ERCC8: variants seen among roughly 807,000 people sequenced by gnomAD.
ERCC8 encodes DNA excision repair protein ERCC-8.
Under a neutral mutation model 54.9 loss-of-function variants are expected in ERCC8, and 52 were observed. That is an observed-to-expected ratio of 0.95 (90% CI 0.76 to 1.19). The LOEUF (loss-of-function observed/expected upper bound fraction) is 1.19. Ranked by LOEUF, ERCC8 falls within the 50% of genes most tolerant of loss-of-function variation. The pLI is 0.00. For missense variants in ERCC8, 514 were observed against 466.1 expected, an observed-to-expected ratio of 1.10 and a Z score of -0.95; for synonymous variants, 146 against 157.2, an observed-to-expected ratio of 0.93 and a Z score of 0.53.
chr5:60,884,583 T>C (rs1382936142), intron 11 of ERCC8, among the ~76,000 whole-genome samples: 1 of 147,140 alleles, frequency 6.8e-6, no homozygotes, highest in Non-Finnish European at 1.5e-5. Context: ...AAATATCAAA[T>C]AAATATACTT....
At chr5:60,906,794 A>T (rs1213930134) in intron 4 of ERCC8, among the ~76,000 whole-genome samples, 1 of 152,202 alleles carries the variant, frequency 6.6e-6, no homozygotes, top group Non-Finnish European at 1.5e-5. Context: ...AAAATAGAGT[A>T]TTAACTAAAT....
chr5:60,884,818 T>C (rs1579989875), intron 11 of ERCC8, among the ~76,000 whole-genome samples: 1 of 152,188 alleles, frequency 6.6e-6, no homozygotes, highest in East Asian at 1.9e-4. Context: ...TTAAAATATA[T>C]GAACATGACA....
chr5:60,939,522 G>A (rs562486714), intron 1 of ERCC8, among the ~76,000 whole-genome samples: 1 of 152,150 alleles, frequency 6.6e-6, no homozygotes, highest in South Asian at 2.1e-4. Flanking sequence ...TTTTGAGACA[G>A]AGTCTCGCTC....
intron 9 of ERCC8, among the ~76,000 whole-genome samples, chr5:60,897,799 G>A (rs920314914): frequency 6.6e-6 from 1 of 152,096 alleles, no homozygotes; most frequent in African/African-American, 2.4e-5. Flanking sequence ...TAGAATATTT[G>A]CTTTACTGCC....
intron 5 of ERCC8, among the ~76,000 whole-genome samples, chr5:60,904,276 A>G (rs995480107): frequency 1.3e-5 from 2 of 152,108 alleles, no homozygotes; most frequent in Non-Finnish European, 2.9e-5. Flanking sequence ...GTAGAGACTC[A>G]CATGGTGCCA....
chr5:60,945,041 G>A lies in ERCC8; in HGVS notation c.-33C>T, dbSNP rs769026318. 6.3e-6 allele frequency: 10 copies of A among 1,586,154 alleles called. No individual in the cohort carries two copies. The highest frequency in any genetic ancestry group is 1.1e-5 in the South Asian group (1 of 90,520). On this transcript the variant is annotated 5_prime_UTR_variant, in exon 1 of 12. The change creates a new upstream start codon in the 5' untranslated region. Transcript: ENST00000676185. ...CCTCACACCGGCTGGAGCACTGGAC[G>A]TCGCCATGACAGAGCTCAGGGGCGG...
chr5:60,919,353 GTA>G (rs576744333), intron 3 of ERCC8: 9 of 152,060 alleles, frequency 5.9e-5, no homozygotes, highest in African/African-American at 2.2e-4. Context: ...CTCCAATCTT[GTA>G]TATGTTTGAA....
chr5:60,941,325 G>A lies in ERCC8; in HGVS notation c.77+3607C>T, dbSNP rs537225316. Among the ~76,000 whole-genome samples the A allele has an allele frequency of 1.6e-4, 24 of 152,082 alleles. No homozygotes were observed. The East Asian group carries it at 4.4e-3, about 28-fold the overall frequency. On this transcript the variant is annotated intron_variant, in intron 1 of 11. Coordinates refer to ENST00000676185, the MANE Select transcript of ERCC8 (RefSeq NM_000082.4). ...TCACTAACAGATTGGAGATGGCAGA[G>A]GAAAAAATCTGTGAACTTGAAGATA...
chr5:60,944,526 C>T (rs1192082478), intron 1 of ERCC8, among the ~76,000 whole-genome samples: 5 of 152,312 alleles, frequency 3.3e-5, no homozygotes, highest in South Asian at 2.1e-4. Flanking sequence ...TGGCCTGTGT[C>T]CTCTGCCTTT....
intron 2 of ERCC8, among the ~76,000 whole-genome samples, chr5:60,923,923 T>C (rs1749673103): frequency 6.6e-6 from 1 of 152,164 alleles, no homozygotes; most frequent in Non-Finnish European, 1.5e-5. Flanking sequence ...ATTTTTATCG[T>C]AGTCACTGTC....
rs1294244265 is a variant in ERCC8 at position 60,873,254 on chromosome 5, G to T, written c.*1361C>A. 6.6e-6 allele frequency among the ~76,000 whole-genome samples: 1 copy of T among 152,096 alleles called. No homozygotes were observed. The highest frequency in any genetic ancestry group is 1.5e-5 in the Non-Finnish European group (1 of 68,046). On this transcript the variant is annotated 3_prime_UTR_variant, in exon 12 of 12. Transcript: ENST00000676185. ...ATGTATATATGCTTCAAAACAGTAT[G>T]TTGTACATGGTAAATACATACAATT...
intron 10 of ERCC8, among the ~76,000 whole-genome samples, chr5:60,888,974 T>C (rs1428264647): frequency 6.6e-6 from 1 of 152,224 alleles, no homozygotes; most frequent in Non-Finnish European, 1.5e-5. Context: ...TCAAGTCTCT[T>C]TAGTTTTCAA....
intron 7 of ERCC8, among the ~76,000 whole-genome samples, chr5:60,901,004 A>T (rs1748890392): frequency 6.6e-6 from 1 of 152,010 alleles, no homozygotes; most frequent in Non-Finnish European, 1.5e-5. Flanking sequence ...TCTGCCAGTT[A>T]TTAACAGAAG....
chr5:60,892,044 G>A (rs1468038376), intron 9 of ERCC8: 1 of 529,884 alleles, frequency 1.9e-6, no homozygotes, highest in Non-Finnish European at 3.8e-6. Flanking sequence ...TACTCTTCAG[G>A]GAGGATGCTA....
intron 1 of ERCC8, among the ~76,000 whole-genome samples, chr5:60,938,627 T>C (rs1750164354): frequency 6.6e-6 from 1 of 152,232 alleles, no homozygotes; most frequent in Admixed American, 6.5e-5. Flanking sequence ...GTGCTGGGAT[T>C]ACAGGCGTGA....
Position 60,891,063 on chromosome 5 carries a change from A to G in ERCC8, c.867T>C (p.Asn289=), listed in dbSNP as rs377473708. ...NTLVNYGKVC[N]NSKKGLKFTV... ...TGAATTTCAATCCTTTTTTACTGTTATTACAAACTTTTCCATAGTTCACCT... is the reference window on the plus strand; with the variant it reads ...TGAATTTCAATCCTTTTTTACTGTTGTTACAAACTTTTCCATAGTTCACCT... The change falls in exon 10 of 12, where the codon AAT becomes AAC. Residue 289 remains asparagine, a synonymous_variant. Transcript: ENST00000676185. The G allele has an allele frequency of 6.2e-7, 1 of 1,611,746 alleles. No individual in the cohort carries two copies. Among genetic ancestry groups the G allele is most frequent in the African/African-American group, 1.3e-5 (1 of 75,002 alleles).
At chr5:60,927,341 C>T (rs1457245953) in intron 2 of ERCC8, among the ~76,000 whole-genome samples, 2 of 152,084 alleles carry the variant, frequency 1.3e-5, no homozygotes, top group African/African-American at 4.8e-5. Flanking sequence ...ACAGAATGTA[C>T]GCTTTCCTTT....
rs1440672176 is a variant in ERCC8 at position 60,869,331 on chromosome 5, T to C, written c.*5284A>G. Among the ~76,000 whole-genome samples the C allele has an allele frequency of 6.6e-6, 1 of 152,186 alleles. No individual in the cohort carries two copies. The highest frequency in any genetic ancestry group is 2.4e-5 in the African/African-American group (1 of 41,452). On this transcript the variant is annotated 3_prime_UTR_variant, in exon 12 of 12. Coordinates refer to ENST00000676185, the MANE Select transcript of ERCC8 (RefSeq NM_000082.4). ...ATTTTGCTTTGAAAAATAATTGAGA[T>C]TAGTTTGCTGATGCAATATTTTTCT...
chr5:60,910,735 T>C (rs1749232626), intron 4 of ERCC8, among the ~76,000 whole-genome samples: 1 of 152,198 alleles, frequency 6.6e-6, no homozygotes, highest in Non-Finnish European at 1.5e-5. Context: ...GCAAATTTGC[T>C]AAATTTACTT....
Sources: allele counts gnomAD v4.1 joint callset (sites outside exome capture counted in the v4.1 genomes callset), GRCh38; gene constraint gnomAD v4.1.1; transcripts MANE v1.5; gene names NCBI Gene and HGNC (gene_info 2026-07-23, HGNC 2026-07-21).